Variants in CDH4 observed in about 807,000 individuals in gnomAD.
CDH4 encodes the protein cadherin-4.
Under a neutral mutation model 86.0 loss-of-function variants are expected in CDH4, and 33 were observed. The ratio of observed to expected loss-of-function variants is 0.38; its 90% CI spans 0.29 to 0.51. CDH4 has a LOEUF of 0.51. Ranked by LOEUF, CDH4 falls within the 20% of genes least tolerant of loss-of-function variation. The pLI, the probability that CDH4 is intolerant of heterozygous loss-of-function variation, is 0.86. For synonymous variants in CDH4, 555 were observed against 549.4 expected (o/e 1.01, Z -0.14); for missense variants, 1,114 against 1,307.4 (o/e 0.85, Z 2.28).
Position 61,703,868 on chromosome 20 carries a change from G to A in CDH4, c.170-39695G>A, listed in dbSNP as rs1256163618. Among the ~76,000 whole-genome samples the A allele has an allele frequency of 6.6e-6, 1 of 152,126 alleles. No individual in the cohort carries two copies. The highest frequency in any genetic ancestry group is 1.5e-5 in the Non-Finnish European group (1 of 68,022). The stretch of plus-strand genomic sequence containing the variant: ...CTGCTTTACCTTGTATTTTCATTTG[G>A]AAATATTAATTGTGACCTTTCAGAA... On this transcript the variant is annotated intron_variant, in intron 2 of 15. Transcript: ENST00000614565. This position sits in a 1 kb window ranked among gnomAD's most constrained non-coding sequence, Gnocchi z 4.3.
chr20:61,477,786 C>T (rs556765671), intron 2 of CDH4, among the ~76,000 whole-genome samples: 7 of 152,168 alleles, frequency 4.6e-5, no homozygotes, highest in Admixed American at 3.3e-4. Flanking sequence ...GCTCATGTGT[C>T]TTTCCCCGAG....
rs531394496 is a variant in CDH4, at chr20:61,290,635, G to A, written c.169+35698G>A. Among the ~76,000 whole-genome samples the A allele has an allele frequency of 7.9e-5, 12 of 152,340 alleles. No individual in the cohort carries two copies. In the South Asian group the frequency reaches 1.7e-3, roughly 21 times the overall value. ...GGCATGGGCACAAAGGGGATGTGGG[G>A]TGAAGAGTTGAAACGAGTGCCTTCT... is the stretch of plus-strand genomic sequence containing the variant. On this transcript the variant is annotated intron_variant, in intron 2 of 15. Transcript: ENST00000614565.
At chr20:61,875,402 G>C (rs1416271523) in intron 7 of CDH4, among the ~76,000 whole-genome samples, 2 of 152,122 alleles carry the variant, frequency 1.3e-5, no homozygotes. Context: ...TTCAGCACGG[G>C]CTCAGGACTC....
In CDH4 at chr20:61,676,748, A is replaced by AT. The variant is rs1405708986; in HGVS notation, c.170-66812dup. On this transcript the variant is annotated intron_variant, in intron 2 of 15. Transcript: ENST00000614565. The surrounding 1 kb of genome is among the most constrained non-coding windows in gnomAD (Gnocchi z 4.5). ...GTAATACAAATGTAAATGATGCTGC[A>AT]TTTCAGAAGGTGGTGTTTGCTGCGA... Among the ~76,000 whole-genome samples, 3 of 152,238 alleles carry AT rather than the reference A, an allele frequency of 2.0e-5. No individual in the cohort carries two copies. Among genetic ancestry groups the AT allele is most frequent in the Non-Finnish European group, 4.4e-5 (3 of 68,052 alleles).
intron 2 of CDH4, among the ~76,000 whole-genome samples, chr20:61,455,388 C>T (rs1258479195): frequency 5.9e-5 from 9 of 152,160 alleles, no homozygotes; most frequent in Admixed American, 5.9e-4. Flanking sequence ...AATCAGTGTG[C>T]CTGTGGGTTG....
At chr20:61,621,471 TGGATA>T (rs1169600498) in intron 2 of CDH4, among the ~76,000 whole-genome samples, 1 of 152,248 alleles carries the variant, frequency 6.6e-6, no homozygotes, top group Admixed American at 6.5e-5. Flanking sequence ...AAGAATTTTT[TGGATA>T]GGTTAATTTG....
chr20:61,523,612 A>C (rs373413950), intron 2 of CDH4, among the ~76,000 whole-genome samples: 2 of 152,326 alleles, frequency 1.3e-5, no homozygotes, highest in Admixed American at 6.5e-5. Flanking sequence ...CAGGGCATGC[A>C]ACAGAAAACA....
In CDH4 at chr20:61,684,353, A is replaced by G. The variant is rs2087551644; in HGVS notation, c.170-59210A>G. 6.6e-6 allele frequency among the ~76,000 whole-genome samples: 1 copy of G among 152,206 alleles called. No individual in the cohort carries two copies. Among genetic ancestry groups the G allele is most frequent in the Admixed American group, 6.5e-5 (1 of 15,292 alleles). On this transcript the variant is annotated intron_variant, in intron 2 of 15. Coordinates refer to ENST00000614565, the MANE Select transcript of CDH4 (RefSeq NM_001794.5). This position sits in a 1 kb window ranked among gnomAD's most constrained non-coding sequence, Gnocchi z 4.5. ...GGGGCCGCCCAGCTAAGGAAGCAGC[A>G]AGCGCGGAGCACGTGGCCTCAACCT...
chr20:61,771,010 C>CTTTTTTTTTTTTTTT (rs756131628), intron 3 of CDH4, among the ~76,000 whole-genome samples: 5 of 130,378 alleles, frequency 3.8e-5, no homozygotes, highest in Non-Finnish European at 6.5e-5. Flanking sequence ...TTCTTTTTTT[C>CTTTTTTTTTTTTTTT]TTTTTTTTTT....
chr20:61,647,863 A>G, intron 2 of CDH4, among the ~76,000 whole-genome samples: 1 of 152,132 alleles, frequency 6.6e-6, no homozygotes, highest in Admixed American at 6.5e-5. Context: ...GGACAGTTAA[A>G]CAGCAGCCAT....
intron 2 of CDH4, among the ~76,000 whole-genome samples, chr20:61,489,168 G>A (rs888126605): frequency 6.6e-6 from 1 of 152,126 alleles, no homozygotes; most frequent in Non-Finnish European, 1.5e-5. Flanking sequence ...TGAGAAGAGA[G>A]CTTTGCATGT....
chr20:61,363,646 C>T (rs74349863), intron 2 of CDH4, among the ~76,000 whole-genome samples: 1,834 of 152,206 alleles, frequency 0.012, 35 homozygotes, highest in African/African-American at 0.039. Context: ...GTGTTCCTGA[C>T]GGGGGCCACA....
At chr20:61,361,004 A>G (rs371068107) in intron 2 of CDH4, among the ~76,000 whole-genome samples, 1 of 151,994 alleles carries the variant, frequency 6.6e-6, no homozygotes, top group African/African-American at 2.4e-5. Flanking sequence ...CACAGTTTCC[A>G]AAAAGGGGAT....
At position 61,480,275 on chromosome 20, in the gene CDH4, G is replaced by A. The variant is rs534131685; in HGVS notation, c.169+225338G>A. On this transcript the variant is annotated intron_variant, in intron 2 of 15. Transcript: ENST00000614565. The surrounding 1 kb of genome is among the most constrained non-coding windows in gnomAD (Gnocchi z 5.2). Reference sequence around the variant, plus strand: ...GTGGTAGCCTGGAAACTCCCCAAGCGGAAGCCGGGGCAGCTGTGGCGCCCC... The same window carrying A: ...GTGGTAGCCTGGAAACTCCCCAAGCAGAAGCCGGGGCAGCTGTGGCGCCCC... Among the ~76,000 whole-genome samples the A allele has an allele frequency of 5.3e-5, 8 of 152,176 alleles. No homozygotes were observed. Among genetic ancestry groups the A allele is most frequent in the African/African-American group, 1.4e-4 (6 of 41,540 alleles).
intron 13 of CDH4, among the ~76,000 whole-genome samples, chr20:61,930,725 G>T (rs555497237): frequency 3.9e-5 from 6 of 152,334 alleles, no homozygotes; most frequent in Non-Finnish European, 7.3e-5. Context: ...TGAAAAGCCG[G>T]TTTTCATTTC....
chr20:61,622,990 T>A (rs567491281), intron 2 of CDH4, among the ~76,000 whole-genome samples: 41 of 152,224 alleles, frequency 2.7e-4, no homozygotes, highest in Non-Finnish European at 5.0e-4. Context: ...CTTGGGACAG[T>A]GGGATAGGCC....
intron 8 of CDH4, among the ~76,000 whole-genome samples, chr20:61,907,782 G>A (rs547046225): frequency 3.3e-5 from 5 of 152,298 alleles, no homozygotes; most frequent in South Asian, 2.1e-4. Context: ...GGGAGATTCC[G>A]TCCCACACTA....
intron 2 of CDH4, among the ~76,000 whole-genome samples, chr20:61,468,143 A>T (rs1290835612): frequency 6.6e-6 from 1 of 152,214 alleles, no homozygotes. Context: ...TTGATTGCCC[A>T]TGTGGCTGAC....
chr20:61,657,546 C>T (rs2087205706), intron 2 of CDH4, among the ~76,000 whole-genome samples: 1 of 152,214 alleles, frequency 6.6e-6, no homozygotes, highest in Non-Finnish European at 1.5e-5. Flanking sequence ...AGTAGTCTTC[C>T]AATTCCCCAG....
Sources: allele counts gnomAD v4.1 joint callset (sites outside exome capture counted in the v4.1 genomes callset), GRCh38; gene constraint gnomAD v4.1.1; non-coding constraint Gnocchi (gnomAD v3.1); transcripts MANE v1.5; gene names NCBI Gene and HGNC (gene_info 2026-07-23, HGNC 2026-07-21).